Variants in ABCA9 observed in about 807,000 individuals in gnomAD.
ABCA9 encodes ATP-binding cassette sub-family A member 9.
A neutral mutation model predicts 205.3 loss-of-function variants in ABCA9; 183 were observed. The observed-to-expected ratio is 0.89, with a 90% CI of 0.79 to 1.01. ABCA9 has a LOEUF of 1.01. Ranked by LOEUF, ABCA9 falls within the 50% of genes least tolerant of loss-of-function variation. ABCA9 has a pLI of 0.00. For missense variants in ABCA9, 1,805 were observed against 1,912.4 expected (o/e 0.94, Z 1.05); for synonymous variants, 651 against 683.3 (o/e 0.95, Z 0.74).
intron 6 of ABCA9, among the ~76,000 whole-genome samples, chr17:69,039,170 A>G (rs2071450368): frequency 6.6e-6 from 1 of 152,224 alleles, no homozygotes; most frequent in African/African-American, 2.4e-5. Context: ...TGCTATTCCC[A>G]TCAAGCTACC....
intron 6 of ABCA9, among the ~76,000 whole-genome samples, chr17:69,038,840 CCTT>C (rs1180371030): frequency 6.6e-6 from 1 of 152,182 alleles, no homozygotes; most frequent in Non-Finnish European, 1.5e-5. Context: ...CCCAAAAACT[CCTT>C]AAGTTGATAA....
chr17:69,015,944 A>G (rs1382310586), intron 22 of ABCA9, among the ~76,000 whole-genome samples: 1 of 147,960 alleles, frequency 6.8e-6, no homozygotes. Flanking sequence ...GAATAAGGTT[A>G]TAATATTGTG....
At chr17:69,017,592 A>G (rs1248664757) in intron 21 of ABCA9, 64 bp downstream of exon 21, 2 of 1,573,618 alleles carry the variant, frequency 1.3e-6, no homozygotes, top group Non-Finnish European at 8.6e-7. Flanking sequence ...GCTGATATGA[A>G]TTATTCAAAT....
upstream of ABCA9, chr17:69,060,984 T>C: frequency 2.0e-6 from 2 of 985,448 alleles, no homozygotes; most frequent in Non-Finnish European, 2.4e-6. Context: ...TAATTTCACA[T>C]TCATTGTGAA....
chr17:69,059,591 A>G (rs745331617), intron 1 of ABCA9, among the ~76,000 whole-genome samples: 3 of 152,140 alleles, frequency 2.0e-5, no homozygotes, highest in African/African-American at 4.8e-5. Flanking sequence ...TAGCCGAGTG[A>G]GAACCACATC....
chr17:69,013,241 T>TTGATGGATTGTA (rs1462214417), intron 22 of ABCA9, among the ~76,000 whole-genome samples: 1 of 152,126 alleles, frequency 6.6e-6, no homozygotes, highest in African/African-American at 2.4e-5. Context: ...AAAGGTGAGA[T>TTGATGGATTGTA]TGATGGATTG....
chr17:69,000,054 A>C (rs906262112), intron 25 of ABCA9, among the ~76,000 whole-genome samples: 4 of 151,616 alleles, frequency 2.6e-5, no homozygotes, highest in African/African-American at 9.7e-5. Context: ...AGGTTGCGAA[A>C]ATTTTCTCCC....
At position 68,986,290 on chromosome 17, in the gene ABCA9, A is replaced by T. The variant is rs773617386; in HGVS notation, c.4082T>A (p.Leu1361Gln). ...ILKGSGGGEPLGFLGYCPQEN... is the reference protein window; with the variant it reads ...ILKGSGGGEPQGFLGYCPQEN... The stretch of plus-strand genomic sequence containing the variant: ...CTGAGGGCAGTACCCCAGGAAGCCC[A>T]GGGGTTCCCCTCCACCGCTCCCTTT... Residue 1361 changes from leucine to glutamine, a missense_variant, in exon 32 of 39, where the codon CTG (leucine) becomes CAG (glutamine). Coordinates refer to ENST00000340001, the MANE Select transcript of ABCA9 (RefSeq NM_080283.4). 3 of 1,612,850 alleles carry T rather than the reference A, an allele frequency of 1.9e-6. No individual in the cohort carries two copies. The highest frequency in any genetic ancestry group is 1.7e-5 in the Admixed American group (1 of 59,734).
At chr17:69,008,032 T>A (rs1302771495) in intron 24 of ABCA9, 30 bp downstream of exon 24, 2 of 1,574,586 alleles carry the variant, frequency 1.3e-6, no homozygotes, top group African/African-American at 2.7e-5. Flanking sequence ...AATAGTCTAA[T>A]AAAACCATTT....
chr17:69,031,944 T>G, intron 10 of ABCA9, among the ~76,000 whole-genome samples, 164 bp downstream of exon 10: 1 of 152,092 alleles, frequency 6.6e-6, no homozygotes, highest in East Asian at 1.9e-4. Flanking sequence ...TGTGAGAAAA[T>G]AGAGTGCTAT....
chr17:69,032,264 T>C lies in ABCA9; in HGVS notation c.1289A>G (p.His430Arg). 10 of 1,613,496 alleles carry C rather than the reference T, an allele frequency of 6.2e-6. No homozygotes were observed. The highest frequency in any genetic ancestry group is 8.5e-6 in the Non-Finnish European group (10 of 1,179,656). ...CAGGAAAAACAAGGGAGAACATCGA[T>C]GTCCATATTCAGCTATGTGAGCAGG... ...FDKILPAEYG[H>R]RCSPLFFLKS... is the part of the protein sequence containing the mutation. Residue 430 changes from histidine (H) to arginine (R), a missense_variant, in exon 10 of 39, where the codon CAT becomes CGT. By Grantham distance (29) the His-to-Arg change is conservative. Transcript: ENST00000340001.
At chr17:69,063,870 C>A (rs1484600043), upstream of ABCA9, among the ~76,000 whole-genome samples, 1 of 152,186 alleles carries the variant, frequency 6.6e-6, no homozygotes, top group Non-Finnish European at 1.5e-5. Context: ...CCGCGCCTGG[C>A]CCTCTTTGTT....
intron 1 of ABCA9, among the ~76,000 whole-genome samples, chr17:69,052,668 G>T (rs28777976): frequency 0.059 from 9,031 of 152,166 alleles, 663 homozygotes; most frequent in African/African-American, 0.16. Context: ...GACACCAACT[G>T]GGTGACCTAA....
At position 69,045,191 on chromosome 17, in the gene ABCA9, T is replaced by A. The variant is rs764538288; in HGVS notation, c.450A>T (p.Lys150Asn). Residue 150 changes from lysine to asparagine, a missense_variant, in exon 4 of 39, where the codon AAA (lysine) becomes AAT (asparagine). Physicochemically the swap from Lys to Asn is moderately conservative, Grantham distance 94. Coordinates refer to ENST00000340001, the MANE Select transcript of ABCA9 (RefSeq NM_080283.4). ...FSWGHRIPMM[K>N]EHRDHSAHCQ... ...AGTTACCTGAATGGTCTCTGTGCTCTTTCATCATGGGGATTCTATGTCCCC... is the reference window on the plus strand; with the variant it reads ...AGTTACCTGAATGGTCTCTGTGCTCATTCATCATGGGGATTCTATGTCCCC... 2 of 1,613,044 alleles carry A rather than the reference T, an allele frequency of 1.2e-6. No individual in the cohort carries two copies. Among genetic ancestry groups the A allele is most frequent in the Non-Finnish European group, 1.7e-6 (2 of 1,179,530 alleles).
chr17:69,057,840 TTCTTG>T (rs66960500), intron 1 of ABCA9, among the ~76,000 whole-genome samples: 8,951 of 152,198 alleles, frequency 0.059, 639 homozygotes, highest in African/African-American at 0.16. Context: ...AGCTTTTTTT[TTCTTG>T]TCATTATTCC....
chr17:68,994,797 A>AT (rs1196432736), intron 26 of ABCA9, among the ~76,000 whole-genome samples: 1 of 152,004 alleles, frequency 6.6e-6, no homozygotes, highest in Non-Finnish European at 1.5e-5. Flanking sequence ...ACTTTACGCT[A>AT]TTTTTTCTCA....
chr17:68,983,591 G>T, intron 36 of ABCA9, 118 bp downstream of exon 36: 1 of 1,369,780 alleles, frequency 7.3e-7, no homozygotes, highest in Non-Finnish European at 9.9e-7. Context: ...CTTAAGTAAA[G>T]TACTTGCAAT....
rs2071617950 is a variant in ABCA9 at position 69,043,566 on chromosome 17, T to C, written c.723A>G (p.Val241=). The change falls in exon 6 of 39, where the codon GTA becomes GTG. Residue 241 remains valine, a synonymous_variant. Coordinates refer to ENST00000340001, the MANE Select transcript of ABCA9 (RefSeq NM_080283.4). ...IISFSTFIYY[V]SVNVTQERQY... ...GTCTTTCTTGTGTAACATTGACTGA[T>C]ACATAGTATATAAATGTAGAAAAAG... 1 of 1,612,442 alleles carries C rather than the reference T, an allele frequency of 6.2e-7. No homozygotes were observed. The highest frequency in any genetic ancestry group is 8.5e-7 in the Non-Finnish European group (1 of 1,179,164).
chr17:69,000,685 G>A (rs2069829110), intron 25 of ABCA9, among the ~76,000 whole-genome samples: 1 of 150,972 alleles, frequency 6.6e-6, no homozygotes, highest in Non-Finnish European at 1.5e-5. Context: ...TAGCTTGATG[G>A]GGATGGCATT....
Sources: allele counts gnomAD v4.1 joint callset (sites outside exome capture counted in the v4.1 genomes callset), GRCh38; gene constraint gnomAD v4.1.1; transcripts MANE v1.5; gene names NCBI Gene and HGNC (gene_info 2026-07-23, HGNC 2026-07-21).